Variants in IL1RAPL1 observed in about 807,000 individuals in gnomAD.
The protein encoded by IL1RAPL1 is interleukin 1 receptor accessory protein like 1.
A neutral mutation model predicts 48.4 loss-of-function variants in IL1RAPL1; 3 were observed. The ratio of observed to expected loss-of-function variants is 0.06; its 90% CI spans 0.03 to 0.16. The LOEUF is 0.16. IL1RAPL1 is among the 10% of genes least tolerant of loss of function. IL1RAPL1 has a pLI of 1.00. For synonymous variants in IL1RAPL1, 185 were observed against 187.7 expected (o/e 0.99, Z 0.12); for missense variants, 349 against 530.6 (o/e 0.66, Z 3.36).
intron 6 of IL1RAPL1, among the ~76,000 whole-genome samples, chrX:29,807,868 G>C: frequency 9.0e-6 from 1 of 110,944 alleles, no homozygotes; most frequent in South Asian, 3.8e-4. Context: ...TAAATAATAA[G>C]AACACATAAA....
At chrX:29,045,187 A>G (rs910576206) in intron 2 of IL1RAPL1, among the ~76,000 whole-genome samples, 6 of 111,539 alleles carry the variant, frequency 5.4e-5, no homozygotes, top group Admixed American at 2.9e-4. Flanking sequence ...AGCCTTTCCT[A>G]TAACCACATA....
At chrX:29,702,698 T>A (rs1382261318) in intron 6 of IL1RAPL1, among the ~76,000 whole-genome samples, 1 of 112,240 alleles carries the variant, frequency 8.9e-6, no homozygotes, top group East Asian at 2.8e-4. Flanking sequence ...GAGCATGGAA[T>A]CATGGGAATT....
intron 1 of IL1RAPL1, among the ~76,000 whole-genome samples, chrX:28,778,089 A>G (rs1165453890): frequency 1.8e-5 from 2 of 111,846 alleles, no homozygotes; most frequent in African/African-American, 6.5e-5. Flanking sequence ...GCCAAGGCTG[A>G]AAATCACTGC....
chrX:29,344,775 C>G (rs1403071993), intron 3 of IL1RAPL1, among the ~76,000 whole-genome samples: 6 of 112,122 alleles, frequency 5.4e-5, no homozygotes, highest in Non-Finnish European at 9.4e-5. Flanking sequence ...GTAGCTGGGA[C>G]TACAGGCACA....
At chrX:29,364,577 A>AG (rs1933422317) in intron 3 of IL1RAPL1, among the ~76,000 whole-genome samples, 1 of 108,821 alleles carries the variant, frequency 9.2e-6, no homozygotes, top group African/African-American at 3.3e-5. Context: ...AAAAAAAAAA[A>AG]AAAAAAGAAA....
chrX:28,857,131 C>G lies in IL1RAPL1; in HGVS notation c.82+67706C>G, dbSNP rs989593135. 2.1e-4 allele frequency among the ~76,000 whole-genome samples: 24 copies of G among 112,104 alleles called. No individual in the cohort carries two copies. The East Asian group carries it at 4.8e-3, about 22-fold the overall frequency. ...CTACAACATTCCCTTACGCCAAAGC[C>G]TAATCCAGAGCAAGATCCTAAGTCT... On this transcript the variant is annotated intron_variant, in intron 2 of 10. Coordinates refer to ENST00000378993, the MANE Select transcript of IL1RAPL1 (RefSeq NM_014271.4).
chrX:29,904,355 ATTCT>A (rs1388676723), intron 6 of IL1RAPL1, among the ~76,000 whole-genome samples: 2 of 103,809 alleles, frequency 1.9e-5, no homozygotes, highest in East Asian at 2.8e-4. Context: ...TTTATTGCTG[ATTCT>A]TTTTTTAATT....
At chrX:29,777,537 T>G (rs1929229228) in intron 6 of IL1RAPL1, among the ~76,000 whole-genome samples, 1 of 111,988 alleles carries the variant, frequency 8.9e-6, no homozygotes, top group African/African-American at 3.2e-5. Context: ...TGGACAATTC[T>G]GATTTTCTCT....
intron 6 of IL1RAPL1, among the ~76,000 whole-genome samples, chrX:29,861,731 A>T (rs190543042): frequency 3.3e-4 from 37 of 111,807 alleles, no homozygotes; most frequent in African/African-American, 1.0e-3. Context: ...TGAAATAATA[A>T]ACTGCATTTC....
intron 2 of IL1RAPL1, among the ~76,000 whole-genome samples, chrX:29,150,745 A>G (rs767955432): frequency 1.1e-4 from 12 of 109,290 alleles, no homozygotes; most frequent in African/African-American, 3.7e-4. Context: ...AACATGGTGA[A>G]ACCCCGTCTC....
rs185105767 is a variant in IL1RAPL1 at position 29,008,077 on chromosome X, C to A, written c.82+218652C>A. ...AGTGCTGTGGCACAATCTCAGCTCACTACAATCTCTCCCTTCTGGGTTCAA... is the reference window on the plus strand; with the variant it reads ...AGTGCTGTGGCACAATCTCAGCTCAATACAATCTCTCCCTTCTGGGTTCAA... On this transcript the variant is annotated intron_variant, in intron 2 of 10. Transcript: ENST00000378993. Among the ~76,000 whole-genome samples, 518 of 111,934 alleles carry A rather than the reference C, an allele frequency of 4.6e-3. 3 individuals are homozygous for A. The highest frequency in any genetic ancestry group is 0.016 in the African/African-American group (495 of 30,846).
At chrX:28,849,139 TA>T (rs34892376) in intron 2 of IL1RAPL1, among the ~76,000 whole-genome samples, 41,424 of 99,372 alleles carry the variant, frequency 0.42, 6,801 homozygotes, top group Middle Eastern at 0.62. Flanking sequence ...ACAAGGCAAT[TA>T]AAAAAAAAAA....
chrX:28,783,200 G>C (rs893264690), intron 1 of IL1RAPL1, among the ~76,000 whole-genome samples: 2 of 111,560 alleles, frequency 1.8e-5, no homozygotes, highest in Admixed American at 9.6e-5. Flanking sequence ...ACAGCATTTT[G>C]TGTTAGATTG....
chrX:29,363,673 G>A (rs1337592896), intron 3 of IL1RAPL1, among the ~76,000 whole-genome samples: 1 of 111,339 alleles, frequency 9.0e-6, no homozygotes, highest in Non-Finnish European at 1.9e-5. Context: ...GAGGCCTCAG[G>A]AAACTTATAA....
intron 6 of IL1RAPL1, among the ~76,000 whole-genome samples, chrX:29,888,186 G>C (rs1197450487): frequency 9.2e-6 from 1 of 109,009 alleles, no homozygotes; most frequent in Admixed American, 9.9e-5. Flanking sequence ...TAAACTTTTT[G>C]AGGTGAGGTA....
intron 3 of IL1RAPL1, among the ~76,000 whole-genome samples, chrX:29,364,653 T>A (rs769675135): frequency 2.0e-4 from 22 of 110,216 alleles, no homozygotes; most frequent in Non-Finnish European, 3.2e-4. Flanking sequence ...CATTATTCCC[T>A]AAACAAAACA....
chrX:29,350,513 ACT>A (rs1933215956), intron 3 of IL1RAPL1, among the ~76,000 whole-genome samples: 1 of 106,646 alleles, frequency 9.4e-6, no homozygotes, highest in Non-Finnish European at 1.9e-5. Flanking sequence ...TTCTCTGGGT[ACT>A]CTGTTTTCCT....
chrX:29,618,480 A>C lies in IL1RAPL1; in HGVS notation c.704-49950A>C, dbSNP rs183163159. The stretch of plus-strand genomic sequence containing the variant: ...CCGAAATCACTTTTACTGGTCTAAA[A>C]TCAGGTGTCAACAGGGCTGTGCTCC... On this transcript the variant is annotated intron_variant, in intron 5 of 10. Coordinates refer to ENST00000378993, the MANE Select transcript of IL1RAPL1 (RefSeq NM_014271.4). 5.9e-4 allele frequency among the ~76,000 whole-genome samples: 66 copies of C among 111,916 alleles called. No individual in the cohort carries two copies. The South Asian group carries it at 9.3e-3, about 16-fold the overall frequency.
intron 5 of IL1RAPL1, among the ~76,000 whole-genome samples, chrX:29,608,077 G>A (rs1434126597): frequency 8.9e-6 from 1 of 112,465 alleles, no homozygotes; most frequent in African/African-American, 3.2e-5. Flanking sequence ...GGTGTGGGCT[G>A]TAGAGTTACT....
Sources: allele counts gnomAD v4.1 joint callset (sites outside exome capture counted in the v4.1 genomes callset), GRCh38; gene constraint gnomAD v4.1.1; transcripts MANE v1.5; gene names NCBI Gene and HGNC (gene_info 2026-07-23, HGNC 2026-07-21).